The following NID1 variants were observed in gnomAD, a reference collection of about 807,000 sequenced individuals.
NID1 encodes nidogen 1.
A neutral mutation model predicts 130.6 loss-of-function variants in NID1; 76 were observed. The ratio of observed to expected loss-of-function variants is 0.58; its 90% CI spans 0.48 to 0.70. The LOEUF (loss-of-function observed/expected upper bound fraction) is 0.70. Among genes scored for constraint, NID1 ranks in the 30% least tolerant of loss-of-function variants. The pLI is 0.00. For missense variants in NID1, 1,517 were observed against 1,664.8 expected (o/e 0.91, Z 1.54); for synonymous variants, 665 against 675.1 (o/e 0.98, Z 0.23).
chr1:236,043,669 G>C (rs998848958), intron 3 of NID1, among the ~76,000 whole-genome samples: 1 of 152,066 alleles, frequency 6.6e-6, no homozygotes, highest in Admixed American at 6.6e-5. Flanking sequence ...GTGGTGGTGG[G>C]CGCCTGTAGT....
chr1:236,027,494 G>A (rs1475304273), intron 7 of NID1, among the ~76,000 whole-genome samples: 2 of 152,122 alleles, frequency 1.3e-5, no homozygotes, highest in African/African-American at 4.8e-5. Flanking sequence ...CAAAACTCCA[G>A]TAATTGCTTC....
chr1:236,050,847 G>A (rs1459142833), intron 1 of NID1, among the ~76,000 whole-genome samples: 7 of 152,212 alleles, frequency 4.6e-5, no homozygotes, highest in Admixed American at 3.3e-4. Context: ...GGAAGCGGAG[G>A]TGGGTGGATC....
intron 12 of NID1, among the ~76,000 whole-genome samples, chr1:236,004,082 A>T (rs1225646303): frequency 6.6e-6 from 1 of 151,590 alleles, no homozygotes; most frequent in Non-Finnish European, 1.5e-5. Context: ...GAGGCCTCAG[A>T]TCTAACAAAG....
chr1:235,985,228 A>T, intron 15 of NID1, 151 bp downstream of exon 15: 1 of 786,420 alleles, frequency 1.3e-6, no homozygotes, highest in Non-Finnish European at 2.0e-6. Context: ...GAACGTGCCT[A>T]AACTTTACAC....
intron 12 of NID1, among the ~76,000 whole-genome samples, chr1:236,009,222 A>G (rs1002848329): frequency 2.6e-5 from 4 of 152,168 alleles, no homozygotes; most frequent in African/African-American, 4.8e-5. Flanking sequence ...CCCTTATAAT[A>G]GCGTCCCCAA....
chr1:236,059,609 T>C (rs1236992801), intron 1 of NID1, among the ~76,000 whole-genome samples: 1 of 151,996 alleles, frequency 6.6e-6, no homozygotes, highest in Non-Finnish European at 1.5e-5. Context: ...TGATCCCCAT[T>C]AACCCCACAG....
chr1:236,040,886 A>C (rs924765467), intron 4 of NID1, among the ~76,000 whole-genome samples: 8 of 152,138 alleles, frequency 5.3e-5, no homozygotes, highest in Non-Finnish European at 1.2e-4. Context: ...GCTGGTCTCC[A>C]ACTCCTGACC....
In NID1 at chr1:236,025,978, C is replaced by T. The variant is rs16833131; in HGVS notation, c.1902G>A (p.Ser634=). 0.021 allele frequency: 34,498 copies of T among 1,613,806 alleles called. 957 individuals carry two copies. The highest frequency in any genetic ancestry group is 0.13 in the African/African-American group (10,087 of 74,958). ...RPALPSTQQL[S]VDSVFVLYNQ... is the part of the protein sequence containing the mutation. Reference sequence around the variant, plus strand: ...TGTACAGGACGAACACGCTGTCCACCGAGAGCTGCTGGGTGCTGGGCAGGG... The same window carrying T: ...TGTACAGGACGAACACGCTGTCCACTGAGAGCTGCTGGGTGCTGGGCAGGG... The change falls in exon 8 of 20, where the codon TCG becomes TCA. Residue 634 remains serine (S), a synonymous_variant. Transcript: ENST00000264187.
At chr1:236,012,254 G>A (rs1348995440) in intron 11 of NID1, among the ~76,000 whole-genome samples, 2 of 152,126 alleles carry the variant, frequency 1.3e-5, no homozygotes, top group Admixed American at 1.3e-4. Flanking sequence ...TGGCAGCAAT[G>A]TTTTCATGAA....
At chr1:236,051,813 T>C (rs1659769640) in intron 1 of NID1, among the ~76,000 whole-genome samples, 1 of 152,256 alleles carries the variant, frequency 6.6e-6, no homozygotes, top group African/African-American at 2.4e-5. Flanking sequence ...AAAAAGCTGC[T>C]TTCCAGTGAA....
At chr1:236,019,083 G>T (rs935552213) in intron 9 of NID1, among the ~76,000 whole-genome samples, 1 of 152,218 alleles carries the variant, frequency 6.6e-6, no homozygotes, top group African/African-American at 2.4e-5. Context: ...GTTCTGTGAC[G>T]TGTTTAAGAC....
At chr1:236,053,611 A>G (rs1659822231) in intron 1 of NID1, among the ~76,000 whole-genome samples, 2 of 151,946 alleles carry the variant, frequency 1.3e-5, no homozygotes, top group South Asian at 4.2e-4. Flanking sequence ...CCAGCCCCTG[A>G]TATGTCTTCT....
intron 1 of NID1, among the ~76,000 whole-genome samples, chr1:236,054,571 C>T (rs2102849859): frequency 6.6e-6 from 1 of 152,238 alleles, no homozygotes; most frequent in Non-Finnish European, 1.5e-5. Flanking sequence ...AAACCATTTG[C>T]ATATTGGACA....
At chr1:235,989,258 T>C (rs1657659287) in intron 14 of NID1, among the ~76,000 whole-genome samples, 1 of 152,128 alleles carries the variant, frequency 6.6e-6, no homozygotes. Flanking sequence ...GGTTTCTCCA[T>C]GTTGCCCAGG....
chr1:236,024,239 A>G lies in NID1; in HGVS notation c.1985-26T>C, dbSNP rs528218038. The G allele has an allele frequency of 5.0e-6, 8 of 1,613,072 alleles. No individual in the cohort carries two copies. In the African/African-American group the frequency reaches 1.1e-4, roughly 21 times the overall value. On this transcript the variant is annotated intron_variant, in intron 8 of 19. Transcript: ENST00000264187. ...CTGTGAAGACAGAGACATTGGAACC[A>G]AGTGAGTCTTCAGGAGCTCTTGCAG...
intron 12 of NID1, among the ~76,000 whole-genome samples, chr1:235,999,559 A>T (rs1423158932): frequency 6.6e-6 from 1 of 151,992 alleles, no homozygotes; most frequent in Non-Finnish European, 1.5e-5. Context: ...GGTAGTGGGG[A>T]TGCTAAAGAC....
intron 12 of NID1, among the ~76,000 whole-genome samples, chr1:236,009,124 A>G (rs1228856669): frequency 6.6e-6 from 1 of 152,204 alleles, no homozygotes; most frequent in Non-Finnish European, 1.5e-5. Context: ...CTGAAATCCT[A>G]ACTCCCAAGG....
intron 5 of NID1, among the ~76,000 whole-genome samples, chr1:236,035,861 C>T (rs1487649163): frequency 6.6e-6 from 1 of 152,088 alleles, no homozygotes; most frequent in Non-Finnish European, 1.5e-5. Context: ...AAAGGTATCC[C>T]AAGAACAATC....
chr1:235,992,282 A>G (rs2102800203), intron 13 of NID1, among the ~76,000 whole-genome samples: 1 of 152,278 alleles, frequency 6.6e-6, no homozygotes, highest in South Asian at 2.1e-4. Flanking sequence ...CAATCTGGTC[A>G]ACCTCTTTCA....
Sources: allele counts gnomAD v4.1 joint callset (sites outside exome capture counted in the v4.1 genomes callset), GRCh38; gene constraint gnomAD v4.1.1; transcripts MANE v1.5; gene names NCBI Gene and HGNC (gene_info 2026-07-23, HGNC 2026-07-21).